Variants in SCLT1 observed in about 807,000 individuals in gnomAD.
SCLT1 encodes the protein sodium channel-associated protein 1.
In SCLT1, 78 loss-of-function variants were observed where a neutral mutation model predicts 112.8. That is an observed-to-expected ratio of 0.69 (90% CI 0.58 to 0.83). SCLT1 has a LOEUF of 0.83. Among genes scored for constraint, SCLT1 ranks in the 40% least tolerant of loss-of-function variants. The pLI, the probability that SCLT1 is intolerant of heterozygous loss-of-function variation, is 0.00. For synonymous variants in SCLT1, 257 were observed against 254.7 expected, an observed-to-expected ratio of 1.01 and a Z score of -0.09; for missense variants, 747 against 770.4, an observed-to-expected ratio of 0.97 and a Z score of 0.36.
intron 5 of SCLT1, chr4:128,873,281 G>GAAAAAAAA (rs1281020527): frequency 9.5e-6 from 1 of 105,634 alleles, no homozygotes; most frequent in Non-Finnish European, 2.0e-5. Context: ...AAGAAAAAAA[G>GAAAAAAAA]AAAAAAAAAA....
intron 18 of SCLT1, among the ~76,000 whole-genome samples, chr4:128,918,515 G>C (rs1176062927): frequency 6.6e-6 from 1 of 152,098 alleles, no homozygotes; most frequent in African/African-American, 2.4e-5. Context: ...AATGAATAAA[G>C]CTTCTGAGAA....
intron 2 of SCLT1, among the ~76,000 whole-genome samples, chr4:129,066,126 C>A (rs1750462485): frequency 6.6e-6 from 1 of 151,864 alleles, no homozygotes. Context: ...CTTCTTAAGA[C>A]ACAGTAATAA....
intron 5 of SCLT1, among the ~76,000 whole-genome samples, chr4:129,006,047 A>C (rs989418561): frequency 2.0e-5 from 3 of 147,994 alleles, no homozygotes; most frequent in East Asian, 2.1e-4. Flanking sequence ...GGATAGCATT[A>C]GGAGATATAC....
rs1738648037 is a variant in SCLT1, at chr4:128,950,658, G to A, written c.1219-2088C>T. On this transcript the variant is annotated intron_variant, in intron 14 of 20. Transcript: ENST00000281142. Reference sequence around the variant, plus strand: ...GAACCAACCATATAGACCATGATCTGTGCTGCCGACCTAACCAAATGAGAA... The same window carrying A: ...GAACCAACCATATAGACCATGATCTATGCTGCCGACCTAACCAAATGAGAA... Among the ~76,000 whole-genome samples the A allele has an allele frequency of 2.0e-5, 3 of 152,082 alleles. No individual in the cohort carries two copies. The South Asian group carries it at 6.2e-4, about 32-fold the overall frequency.
intron 1 of SCLT1, among the ~76,000 whole-genome samples, chr4:129,089,901 A>T (rs1752690376): frequency 6.6e-6 from 1 of 152,160 alleles, no homozygotes; most frequent in Non-Finnish European, 1.5e-5. Context: ...ATTAGGAGAA[A>T]TACCTAATGC....
intron 18 of SCLT1, among the ~76,000 whole-genome samples, chr4:128,909,278 T>G (rs1734918018): frequency 6.6e-6 from 1 of 152,174 alleles, no homozygotes; most frequent in African/African-American, 2.4e-5. Context: ...ACAGACAAGG[T>G]CTCGCTCTGT....
downstream of SCLT1, among the ~76,000 whole-genome samples, chr4:128,882,124 T>A (rs1401000561): frequency 6.6e-6 from 1 of 152,212 alleles, no homozygotes; most frequent in Admixed American, 6.5e-5. Context: ...TGCTAGAGTG[T>A]TAGTTTCTGA....
chr4:128,880,115 T>C (rs1481717305), downstream of SCLT1, among the ~76,000 whole-genome samples: 1 of 152,214 alleles, frequency 6.6e-6, no homozygotes, highest in Non-Finnish European at 1.5e-5. Context: ...ATGACTAGTA[T>C]GGCATAAATG....
intron 9 of SCLT1, among the ~76,000 whole-genome samples, chr4:128,977,367 T>C (rs1741267929): frequency 6.6e-6 from 1 of 152,182 alleles, no homozygotes; most frequent in Non-Finnish European, 1.5e-5. Context: ...GTACTGTCTA[T>C]TGAGCACCTA....
At chr4:129,022,501 C>T (rs986525624) in intron 5 of SCLT1, among the ~76,000 whole-genome samples, 1 of 151,954 alleles carries the variant, frequency 6.6e-6, no homozygotes, top group Non-Finnish European at 1.5e-5. Context: ...GTGAAGCATA[C>T]AAAAGTATCA....
intron 8 of SCLT1, 105 bp from the exon 9 acceptor site, chr4:128,992,342 T>C (rs1389751032): frequency 1.5e-6 from 1 of 675,586 alleles, no homozygotes; most frequent in Non-Finnish European, 2.4e-6. Context: ...GTGAGATTTA[T>C]GATAAAGATT....
At chr4:128,942,296 A>G (rs961450198) in intron 17 of SCLT1, among the ~76,000 whole-genome samples, 2 of 152,210 alleles carry the variant, frequency 1.3e-5, no homozygotes, top group South Asian at 2.1e-4. Context: ...AACCAAAATA[A>G]AACAGTGACA....
intron 5 of SCLT1, among the ~76,000 whole-genome samples, chr4:129,022,663 C>T (rs1002845675): frequency 2.0e-5 from 3 of 152,160 alleles, no homozygotes; most frequent in Non-Finnish European, 2.9e-5. Context: ...ACCAAACCTA[C>T]GACTGACTGG....
chr4:128,890,299 C>T (rs1358861716), intron 19 of SCLT1, among the ~76,000 whole-genome samples: 1 of 152,106 alleles, frequency 6.6e-6, no homozygotes, highest in Non-Finnish European at 1.5e-5. Context: ...ATTAACATTA[C>T]TGTACTGAGT....
At chr4:129,091,104 T>C (rs1254371600) in intron 1 of SCLT1, among the ~76,000 whole-genome samples, 1 of 152,088 alleles carries the variant, frequency 6.6e-6, no homozygotes, top group Non-Finnish European at 1.5e-5. Flanking sequence ...TGATCTATCT[T>C]TATCTGGGCT....
intron 9 of SCLT1, among the ~76,000 whole-genome samples, chr4:128,986,042 AC>A (rs1382169808): frequency 6.6e-6 from 1 of 152,256 alleles, no homozygotes; most frequent in African/African-American, 2.4e-5. Flanking sequence ...TGATCACAAT[AC>A]CTGGTTTGAA....
intron 8 of SCLT1, among the ~76,000 whole-genome samples, chr4:128,995,483 C>A (rs1264535590): frequency 1.3e-5 from 2 of 152,070 alleles, no homozygotes; most frequent in African/African-American, 4.8e-5. Context: ...TATGGAACAT[C>A]TTTAGCTGGT....
At chr4:129,034,326 CATT>C (rs1271406526) in intron 5 of SCLT1, among the ~76,000 whole-genome samples, 5 of 151,648 alleles carry the variant, frequency 3.3e-5, no homozygotes, top group Non-Finnish European at 7.4e-5. Flanking sequence ...CATTGATTAT[CATT>C]AGTCAAATTA....
At chr4:129,048,677 T>G (rs536992014) in intron 2 of SCLT1, among the ~76,000 whole-genome samples, 1 of 152,150 alleles carries the variant, frequency 6.6e-6, no homozygotes, top group Non-Finnish European at 1.5e-5. Context: ...GAAACTACCC[T>G]CACAGTGAAC....
Sources: gnomAD v4.1 joint callset for allele counts (sites outside exome capture counted in the v4.1 genomes callset) on GRCh38, gnomAD v4.1.1 for gene constraint, MANE v1.5 for transcripts, NCBI Gene and HGNC (gene_info 2026-07-23, HGNC 2026-07-21) for gene names.